Variants in CC2D2B observed in about 807,000 individuals in gnomAD.
The protein encoded by CC2D2B is protein CC2D2B.
In CC2D2B, 128 loss-of-function variants were observed where a neutral mutation model predicts 161.2. The ratio of observed to expected loss-of-function variants is 0.79; its 90% CI spans 0.69 to 0.92. CC2D2B has a LOEUF of 0.92. CC2D2B is among the 40% of genes least tolerant of loss of function. The pLI is 0.00. For missense variants in CC2D2B, 1,173 were observed against 1,375.1 expected, an observed-to-expected ratio of 0.85 and a Z score of 2.32; for synonymous variants, 391 against 449.8, an observed-to-expected ratio of 0.87 and a Z score of 1.65.
At chr10:95,922,144 C>A in intron 3 of CC2D2B, 68 bp downstream of exon 3, 2 of 862,086 alleles carry the variant, frequency 2.3e-6, no homozygotes, top group Non-Finnish European at 1.8e-6. Flanking sequence ...AATGATTAAT[C>A]CTGTGCCAGG....
At chr10:95,964,595 C>A (rs367800460) in intron 12 of CC2D2B, among the ~76,000 whole-genome samples, 1 of 152,182 alleles carries the variant, frequency 6.6e-6, no homozygotes, top group Non-Finnish European at 1.5e-5. Context: ...TGCATTTAAT[C>A]CTCACAACAA....
chr10:95,990,574 C>T (rs1051428527), intron 20 of CC2D2B, among the ~76,000 whole-genome samples: 2 of 151,992 alleles, frequency 1.3e-5, no homozygotes, highest in East Asian at 1.9e-4. Flanking sequence ...ATTTGTTGTC[C>T]GTGTGGCAGG....
intron 33 of CC2D2B, among the ~76,000 whole-genome samples, chr10:96,025,166 T>TATATATATAAAAAAAA (rs1564683723): frequency 1.0e-4 from 1 of 9,972 alleles, no homozygotes; most frequent in Non-Finnish European, 1.6e-4. Flanking sequence ...TATATATATA[T>TATATATATAAAAAAAA]ATATATATAT....
In CC2D2B at chr10:96,012,724, A is replaced by T. The variant is rs2079043366; in HGVS notation, c.3421A>T (p.Thr1141Ser). The T allele has an allele frequency of 1.3e-6, 2 of 1,563,622 alleles. No individual in the cohort carries two copies. The highest frequency in any genetic ancestry group is 8.8e-7 in the Non-Finnish European group (1 of 1,134,494). ...TATATTTCTTCACAATTCTAATGCA[A>T]CATTTGTAAGTTATTATTATTTTTA... ...LDIFLHNSNA[T>S]FDLIARFVSL... Residue 1141 changes from threonine to serine, a missense_variant, in exon 28 of 35, where the codon ACA becomes TCA. Physicochemically the swap from Thr to Ser is moderately conservative, Grantham distance 58. Transcript: ENST00000646931.
chr10:95,961,890 T>G lies in CC2D2B; in HGVS notation c.1171T>G (p.Leu391Val). The change falls in exon 12 of 35, where the codon TTA becomes GTA. Residue 391 changes from leucine (L) to valine (V), a missense_variant. Physicochemically the swap from Leu to Val is conservative, Grantham distance 32. Around this residue, in one of 3 missense-constraint regions of CC2D2B, gnomAD observed 298 missense variants for 261.2 expected, o/e 1.14. Transcript: ENST00000646931. ...GKDLSLLHSI[L>V]RTWKQIKSLR... The stretch of plus-strand genomic sequence containing the variant: ...GGACCTCTCCCTACTACACAGTATA[T>G]TACGAACTTGGAAACAGATTAAATC... The G allele has an allele frequency of 8.1e-7, 1 of 1,231,314 alleles. No homozygotes were observed. 76.3% of individuals were successfully genotyped at this position (1,231,314 alleles called of 1,614,324 possible).
At chr10:95,982,835 G>A (rs952346499) in intron 18 of CC2D2B, among the ~76,000 whole-genome samples, 3 of 151,994 alleles carry the variant, frequency 2.0e-5, no homozygotes, top group African/African-American at 7.3e-5. Flanking sequence ...ACAGTGGTGC[G>A]ATCTCGGGTC....
At position 95,965,823 on chromosome 10, in the gene CC2D2B, T is replaced by G. The variant is rs889343833; in HGVS notation, c.1251-73T>G. The G allele has an allele frequency of 2.4e-5, 9 of 368,030 alleles. No homozygotes were observed. The South Asian group carries it at 4.2e-4, about 17-fold the overall frequency. 22.8% of individuals were successfully genotyped at this position (368,030 alleles called of 1,614,324 possible). A position where few individuals can be genotyped will look rare whatever the true frequency, so the allele number is the denominator to read the frequency against. ...TGTGTGTGTGTGTGTGTGTGTGTGT[T>G]GGCAAAATCTCGAACAACTCTCAAA... On this transcript the variant is annotated intron_variant, in intron 12 of 34. Coordinates refer to ENST00000646931, the MANE Select transcript of CC2D2B (RefSeq NM_001349008.3).
intron 6 of CC2D2B, among the ~76,000 whole-genome samples, chr10:95,934,102 A>G (rs1458186979): frequency 6.6e-6 from 1 of 152,216 alleles, no homozygotes. Context: ...CTAGAGAGGC[A>G]GTTTGGCTAC....
intron 22 of CC2D2B, among the ~76,000 whole-genome samples, 157 bp from the exon 23 acceptor site, chr10:95,995,112 G>GATGA (rs749427660): frequency 2.4e-4 from 37 of 152,308 alleles, no homozygotes; most frequent in Non-Finnish European, 4.0e-4. Context: ...ATGTTTAGCT[G>GATGA]TAACCACACA....
At chr10:95,961,576 A>G in intron 11 of CC2D2B, 1 of 269,470 alleles carries the variant, frequency 3.7e-6, no homozygotes, top group Non-Finnish European at 6.9e-6. Context: ...TTCCTTTCTC[A>G]GAAGCATTTG....
chr10:95,925,913 T>G (rs2098537507), intron 5 of CC2D2B, among the ~76,000 whole-genome samples: 1 of 152,192 alleles, frequency 6.6e-6, no homozygotes. Flanking sequence ...AGTGTCTAGG[T>G]TCTACTATTA....
chr10:96,003,020 A>AT (rs2078571435), intron 24 of CC2D2B, among the ~76,000 whole-genome samples: 12 of 107,360 alleles, frequency 1.1e-4, no homozygotes, highest in East Asian at 6.2e-4. Context: ...AAAAATAAAT[A>AT]AATATATATA....
rs112750306 is a variant in CC2D2B at position 95,989,549 on chromosome 10, T to C, written c.2379+1207T>C. ...TTTGTGGTCTCGGGAAATAAAGAAG[T>C]GTTCTTGCTTATAAGAAAAGAGAAC... On this transcript the variant is annotated intron_variant, in intron 20 of 34. Coordinates refer to ENST00000646931, the MANE Select transcript of CC2D2B (RefSeq NM_001349008.3). Among the ~76,000 whole-genome samples, 698 of 152,298 alleles carry C rather than the reference T, an allele frequency of 4.6e-3. 8 individuals carry two copies. Among genetic ancestry groups the C allele is most frequent in the African/African-American group, 0.015 (640 of 41,552 alleles).
Position 95,942,290 on chromosome 10 carries a change from G to A in CC2D2B, c.801+3365G>A, listed in dbSNP as rs79628564. ...TTAATAGTACTGTAAACTTAAACGA[G>A]GGTAGATCTCATGTTTTGTATTTTT... On this transcript the variant is annotated intron_variant, in intron 9 of 34. Transcript: ENST00000646931. 1.2e-3 allele frequency among the ~76,000 whole-genome samples: 187 copies of A among 152,172 alleles called. 5 individuals are homozygous for A. The East Asian group carries it at 0.034, about 28-fold the overall frequency.
intron 11 of CC2D2B, among the ~76,000 whole-genome samples, chr10:95,956,125 A>T (rs2076560057): frequency 6.6e-6 from 1 of 152,188 alleles, no homozygotes; most frequent in African/African-American, 2.4e-5. Context: ...TTTAGAATTT[A>T]ACTTAAAGTA....
At chr10:95,964,868 G>T (rs1026618449) in intron 12 of CC2D2B, among the ~76,000 whole-genome samples, 5 of 152,082 alleles carry the variant, frequency 3.3e-5, no homozygotes, top group Non-Finnish European at 7.4e-5. Flanking sequence ...TCCCAGAATT[G>T]TGCAACAATC....
intron 33 of CC2D2B, among the ~76,000 whole-genome samples, chr10:96,025,154 A>AAAATATAT (rs1491259451): frequency 2.5e-4 from 5 of 20,084 alleles, no homozygotes; most frequent in East Asian, 7.3e-3. Context: ...ACTAAAAAAA[A>AAAATATAT]ATATATATAT....
chr10:95,966,819 T>G (rs1035925522), intron 14 of CC2D2B, among the ~76,000 whole-genome samples: 3 of 152,090 alleles, frequency 2.0e-5, no homozygotes, highest in African/African-American at 7.2e-5. Flanking sequence ...CTTCTTTACT[T>G]CACAGTTGTG....
chr10:95,998,801 T>C (rs2078337179), intron 24 of CC2D2B, among the ~76,000 whole-genome samples: 1 of 152,276 alleles, frequency 6.6e-6, no homozygotes, highest in East Asian at 1.9e-4. Context: ...CAAAGTCAAC[T>C]GGCTTAAACT....
Sources: gnomAD v4.1 joint callset for allele counts (sites outside exome capture counted in the v4.1 genomes callset) on GRCh38, gnomAD v4.1.1 for gene constraint, gnomAD v4.1.1 regional missense constraint, MANE v1.5 for transcripts, NCBI Gene and HGNC (gene_info 2026-07-23, HGNC 2026-07-21) for gene names.